Variants in GREB1L observed in about 807,000 individuals in gnomAD.
The protein encoded by GREB1L is GREB1 like retinoic acid receptor coactivator, also known as GREB1-like protein.
A neutral mutation model predicts 200.8 loss-of-function variants in GREB1L; 17 were observed. The observed-to-expected ratio is 0.08, with a 90% CI of 0.06 to 0.13. The LOEUF (loss-of-function observed/expected upper bound fraction) is 0.13. Ranked by LOEUF, GREB1L falls within the 10% of genes least tolerant of loss-of-function variation. The pLI is 1.00. For synonymous variants in GREB1L, 789 were observed against 893.0 expected, an observed-to-expected ratio of 0.88 and a Z score of 2.08; for missense variants, 1,657 against 2,367.7, an observed-to-expected ratio of 0.70 and a Z score of 6.23.
At chr18:21,268,560 C>CACATATAT (rs1204514384) in intron 1 of GREB1L, among the ~76,000 whole-genome samples, 83 of 63,510 alleles carry the variant, frequency 1.3e-3, no homozygotes, top group East Asian at 3.2e-3. Flanking sequence ...CACACACACA[C>CACATATAT]ATATATATAT....
chr18:21,432,472 A>AT (rs368054179), intron 7 of GREB1L, among the ~76,000 whole-genome samples: 116 of 147,148 alleles, frequency 7.9e-4, no homozygotes, highest in East Asian at 6.6e-3. Context: ...GGTCCATTTG[A>AT]TTTTTTTTTT....
At chr18:21,498,660 AC>A (rs1242194455) in intron 21 of GREB1L, among the ~76,000 whole-genome samples, 1 of 152,110 alleles carries the variant, frequency 6.6e-6, no homozygotes, top group East Asian at 1.9e-4. Context: ...GCCCTTGGCT[AC>A]TGTGTCCCTC....
intron 15 of GREB1L, among the ~76,000 whole-genome samples, chr18:21,464,907 C>T (rs1398264217): frequency 6.6e-6 from 1 of 152,094 alleles, no homozygotes; most frequent in Non-Finnish European, 1.5e-5. Context: ...AAAGAAAAGT[C>T]AGGGAGGCTG....
At chr18:21,364,503 A>G (rs970781063) in intron 1 of GREB1L, among the ~76,000 whole-genome samples, 1 of 152,222 alleles carries the variant, frequency 6.6e-6, no homozygotes, top group Non-Finnish European at 1.5e-5. Context: ...GATTTTGTCA[A>G]ACTTCTTGGC....
At chr18:21,479,288 G>T (rs1297951926) in intron 17 of GREB1L, among the ~76,000 whole-genome samples, 1 of 152,142 alleles carries the variant, frequency 6.6e-6, no homozygotes, top group Non-Finnish European at 1.5e-5. Flanking sequence ...TTTCCGAAAG[G>T]GATCACACCC....
At chr18:21,412,051 CAAAAAAAAAAAA>C (rs962603456) in intron 7 of GREB1L, among the ~76,000 whole-genome samples, 26 of 30,492 alleles carry the variant, frequency 8.5e-4, no homozygotes, top group African/African-American at 2.4e-3. Context: ...GACTCCGTCT[CAAAAAAAAAAAA>C]AAAAAAAAAA....
intron 7 of GREB1L, among the ~76,000 whole-genome samples, chr18:21,420,561 C>T (rs1162119516): frequency 1.3e-5 from 2 of 152,088 alleles, no homozygotes; most frequent in Non-Finnish European, 2.9e-5. Context: ...CATCATTAAT[C>T]ATTAGGGAAA....
chr18:21,499,942 C>T lies in GREB1L; in HGVS notation c.3605C>T (p.Ser1202Leu). The change falls in exon 22 of 33, where the codon TCA becomes TTA. Residue 1202 changes from serine (S) to leucine (L), a missense_variant. Around this residue, in one of 9 missense-constraint regions of GREB1L, gnomAD observed 512 missense variants for 668.3 expected, o/e 0.77. Coordinates refer to ENST00000424526, the MANE Select transcript of GREB1L (RefSeq NM_001142966.3). Reference protein sequence around the residue: ...QMASSTTSKPSSSSSGPRTLP... With the variant: ...QMASSTTSKPLSSSSGPRTLP... The stretch of plus-strand genomic sequence containing the variant: ...GCGAGCAGCACCACCTCCAAGCCGT[C>T]ATCATCATCCTCAGGACCCAGGACC... 2 of 1,550,468 alleles carry T rather than the reference C, an allele frequency of 1.3e-6. No homozygotes were observed. The highest frequency in any genetic ancestry group is 1.7e-6 in the Non-Finnish European group (2 of 1,146,342).
At chr18:21,466,955 A>C (rs1430516969) in intron 15 of GREB1L, among the ~76,000 whole-genome samples, 2 of 152,220 alleles carry the variant, frequency 1.3e-5, no homozygotes, top group Non-Finnish European at 2.9e-5. Flanking sequence ...TAAACCTCCC[A>C]TTTACAATCA....
intron 7 of GREB1L, among the ~76,000 whole-genome samples, chr18:21,413,834 C>T (rs1170005244): frequency 6.6e-6 from 1 of 152,046 alleles, no homozygotes; most frequent in African/African-American, 2.4e-5. Context: ...GAAGAATATC[C>T]CACTTTGTGG....
chr18:21,294,091 A>G (rs1485058389), intron 1 of GREB1L, among the ~76,000 whole-genome samples: 1 of 152,188 alleles, frequency 6.6e-6, no homozygotes, highest in Non-Finnish European at 1.5e-5. Context: ...ACTTTCTGTG[A>G]CAATGGAAAT....
chr18:21,431,919 CTTT>C (rs773523492), intron 7 of GREB1L, among the ~76,000 whole-genome samples: 2 of 91,266 alleles, frequency 2.2e-5, no homozygotes, highest in Non-Finnish European at 2.0e-5. Flanking sequence ...CTTTTCTTTT[CTTT>C]TTTTTTTTTT....
chr18:21,500,309 A>AGG lies in GREB1L; in HGVS notation c.3969+5_3969+6dup. 8.5e-7 allele frequency: 1 copy of AGG among 1,183,016 alleles called. No homozygotes were observed. Among genetic ancestry groups the AGG allele is most frequent in the Non-Finnish European group, 1.2e-6 (1 of 824,814 alleles). 73.3% of individuals were successfully genotyped at this position (1,183,016 alleles called of 1,614,324 possible). A position where few individuals can be genotyped will look rare whatever the true frequency, so the allele number is the denominator to read the frequency against. ...TCCTGCTGACAGGGCCCCCACAGGTAGGGCCAAGCCAGCCGGGGCCGTTTC... is the reference window on the plus strand; with the variant it reads ...TCCTGCTGACAGGGCCCCCACAGGTAGGGGGCCAAGCCAGCCGGGGCCGTTTC... On this transcript the variant is annotated splice_donor_region_variant and intron_variant, in intron 22 of 32. Transcript: ENST00000424526.
In GREB1L at chr18:21,287,176, G is replaced by A. The variant is rs8088694; in HGVS notation, c.-120+44783G>A. Among the ~76,000 whole-genome samples, 580 of 151,300 alleles carry A rather than the reference G, an allele frequency of 3.8e-3. 3 individuals carry two copies. The highest frequency in any genetic ancestry group is 0.014 in the African/African-American group (556 of 41,180). On this transcript the variant is annotated intron_variant, in intron 1 of 32. Coordinates refer to ENST00000424526, the MANE Select transcript of GREB1L (RefSeq NM_001142966.3). ...TTTGCCTGAGTTTTTTGTTTGTTTCGAAAAACAGAAAAGAAATAGAATAGA... is the reference window on the plus strand; with the variant it reads ...TTTGCCTGAGTTTTTTGTTTGTTTCAAAAAACAGAAAAGAAATAGAATAGA...
At chr18:21,451,194 G>A (rs1367295267) in intron 13 of GREB1L, 43 bp downstream of exon 13, 1 of 1,543,466 alleles carries the variant, frequency 6.5e-7, no homozygotes, top group South Asian at 1.2e-5. Context: ...GCCCCTAGTT[G>A]TATGATTTTC....
At position 21,378,986 on chromosome 18, in the gene GREB1L, C is replaced by G. The variant is rs1357409544; in HGVS notation, c.-9-4524C>G. On this transcript the variant is annotated intron_variant, in intron 2 of 32. Transcript: ENST00000424526. ...CTGAGCTCAAGTGATCCTCCCTCCT[C>G]AGTCTTCCAAAGTGCTGGGATTCCA... Among the ~76,000 whole-genome samples the G allele has an allele frequency of 2.0e-5, 3 of 150,850 alleles. No individual in the cohort carries two copies. In the East Asian group the frequency reaches 6.0e-4, roughly 30 times the overall value.
At chr18:21,261,621 C>G (rs2037890650) in intron 1 of GREB1L, among the ~76,000 whole-genome samples, 1 of 151,982 alleles carries the variant, frequency 6.6e-6, no homozygotes, top group South Asian at 2.1e-4. Context: ...CTACCCTAAC[C>G]TTTCTATATG....
Position 21,261,157 on chromosome 18 carries a change from A to G in GREB1L, c.-120+18764A>G, listed in dbSNP as rs556066803. 3.9e-5 allele frequency among the ~76,000 whole-genome samples: 6 copies of G among 152,172 alleles called. No homozygotes were observed. The East Asian group carries it at 7.7e-4, about 20-fold the overall frequency. ...TATGACACACACATATCTATATACT[A>G]TGTAAATATTTAGACTATATATATA... is the stretch of plus-strand genomic sequence containing the variant. On this transcript the variant is annotated intron_variant, in intron 1 of 32. Coordinates refer to ENST00000424526, the MANE Select transcript of GREB1L (RefSeq NM_001142966.3).
intron 1 of GREB1L, among the ~76,000 whole-genome samples, chr18:21,314,889 T>G (rs931324128): frequency 6.6e-6 from 1 of 152,218 alleles, no homozygotes; most frequent in Admixed American, 6.5e-5. Context: ...GGAAATTTAA[T>G]GGACCTCAGA....
Sources: allele counts gnomAD v4.1 joint callset (sites outside exome capture counted in the v4.1 genomes callset), GRCh38; gene constraint gnomAD v4.1.1; regional missense constraint gnomAD v4.1.1; transcripts MANE v1.5; gene names NCBI Gene and HGNC (gene_info 2026-07-23, HGNC 2026-07-21).